The following L3MBTL3 variants were observed in gnomAD, a reference collection of about 807,000 sequenced individuals.
L3MBTL3 encodes the protein lethal(3)malignant brain tumor-like protein 3.
Under a neutral mutation model 102.3 loss-of-function variants are expected in L3MBTL3, and 27 were observed. The ratio of observed to expected loss-of-function variants is 0.26; its 90% CI spans 0.19 to 0.36. The LOEUF is 0.36. L3MBTL3 is among the 10% of genes least tolerant of loss of function. L3MBTL3 has a pLI of 1.00. For missense variants in L3MBTL3, 798 were observed against 955.3 expected (o/e 0.84, Z 2.17); for synonymous variants, 340 against 320.9 (o/e 1.06, Z -0.64).
intron 20 of L3MBTL3, among the ~76,000 whole-genome samples, chr6:130,124,895 G>C (rs1462413377): frequency 6.6e-6 from 1 of 152,036 alleles, no homozygotes; most frequent in Non-Finnish European, 1.5e-5. Context: ...ACTTGAACCT[G>C]GGAGGTGGAG....
chr6:130,102,888 A>T (rs1366758024), intron 18 of L3MBTL3, among the ~76,000 whole-genome samples: 1 of 152,108 alleles, frequency 6.6e-6, no homozygotes, highest in Non-Finnish European at 1.5e-5. Flanking sequence ...TATCTAATTT[A>T]TGTGTATAAT....
At chr6:130,062,042 T>G (rs1781931594) in intron 10 of L3MBTL3, among the ~76,000 whole-genome samples, 2 of 152,208 alleles carry the variant, frequency 1.3e-5, no homozygotes, top group Non-Finnish European at 2.9e-5. Flanking sequence ...AAGCCGTAAG[T>G]ATAGACTGCT....
At chr6:130,077,729 G>A (rs889067559) in intron 13 of L3MBTL3, among the ~76,000 whole-genome samples, 17 of 152,160 alleles carry the variant, frequency 1.1e-4, no homozygotes, top group Non-Finnish European at 1.8e-4. Context: ...CTGGCTCTCT[G>A]CCTTCTAGTT....
In L3MBTL3 at chr6:130,057,600, T is replaced by C. The variant is rs1269352062; in HGVS notation, c.759+103T>C. On this transcript the variant is annotated intron_variant, in intron 9 of 22. Transcript: ENST00000361794. ...ACTGAAATTTGACTTGGGATCATTT[T>C]CTCAGCATACAGTTTTCATGCGTGT... 5.3e-6 allele frequency: 5 copies of C among 952,250 alleles called. No homozygotes were observed. The Admixed American group carries it at 1.2e-4, about 24-fold the overall frequency. 59.0% of individuals were successfully genotyped at this position (952,250 alleles called of 1,614,324 possible). A position where few individuals can be genotyped will look rare whatever the true frequency, so the allele number is the denominator to read the frequency against.
At chr6:130,054,665 A>G (rs6900473) in intron 7 of L3MBTL3, among the ~76,000 whole-genome samples, 86,266 of 152,074 alleles carry the variant, frequency 0.57, 27,378 homozygotes, top group East Asian at 0.76. Context: ...ATGGGTTTGA[A>G]ATGCTGATTA....
intron 19 of L3MBTL3, among the ~76,000 whole-genome samples, chr6:130,118,764 T>C (rs1056570363): frequency 6.6e-6 from 1 of 152,208 alleles, no homozygotes; most frequent in Non-Finnish European, 1.5e-5. Context: ...CATGCTTCTA[T>C]AATGAAGCAA....
In L3MBTL3 at chr6:130,042,677, C is replaced by T; in HGVS notation, c.-15-8C>T. The stretch of plus-strand genomic sequence containing the variant: ...TATTTAGTGATATGCCTTCTTTTCC[C>T]CTTTCAGGTTAAAAAATAAATCATG... On this transcript the variant is annotated splice_region_variant and splice_polypyrimidine_tract_variant and intron_variant, in intron 2 of 22. Coordinates refer to ENST00000361794, the MANE Select transcript of L3MBTL3 (RefSeq NM_032438.4). The T allele has an allele frequency of 6.6e-7, 1 of 1,515,826 alleles. No homozygotes were observed. 93.9% of individuals were successfully genotyped at this position (1,515,826 alleles called of 1,614,324 possible).
intron 10 of L3MBTL3, among the ~76,000 whole-genome samples, chr6:130,062,579 GA>G (rs1781966728): frequency 1.0e-5 from 1 of 100,286 alleles, no homozygotes; most frequent in Non-Finnish European, 2.1e-5. Context: ...TTTTTTTTTA[GA>G]AATGGGGTCC....
chr6:130,034,717 G>A (rs1392660362), intron 2 of L3MBTL3, among the ~76,000 whole-genome samples: 2 of 152,142 alleles, frequency 1.3e-5, no homozygotes, highest in African/African-American at 4.8e-5. Flanking sequence ...GAGACTAAGC[G>A]CTATGACTAA....
intron 16 of L3MBTL3, among the ~76,000 whole-genome samples, chr6:130,088,354 A>G (rs1323735665): frequency 1.3e-5 from 2 of 152,182 alleles, no homozygotes; most frequent in South Asian, 2.1e-4. Flanking sequence ...AAAGCCTGCA[A>G]CAGTAGGAGT....
chr6:130,032,312 G>A (rs577322376), intron 2 of L3MBTL3, among the ~76,000 whole-genome samples: 89 of 152,304 alleles, frequency 5.8e-4, no homozygotes, highest in Admixed American at 1.2e-3. Flanking sequence ...AGTAGCGTCT[G>A]CTGTTGTGTG....
intron 10 of L3MBTL3, among the ~76,000 whole-genome samples, chr6:130,062,576 T>G (rs972828760): frequency 4.1e-4 from 62 of 150,342 alleles, no homozygotes; most frequent in Middle Eastern, 6.8e-3. Context: ...TTTTTTTTTT[T>G]TAGAAATGGG....
chr6:130,045,293 C>T (rs1584311880), intron 3 of L3MBTL3, among the ~76,000 whole-genome samples: 1 of 152,090 alleles, frequency 6.6e-6, no homozygotes, highest in South Asian at 2.1e-4. Flanking sequence ...CTAGTTGAAG[C>T]CTTCACACGC....
Position 130,042,872 on chromosome 6 carries a change from A to G in L3MBTL3, c.102+71A>G, listed in dbSNP as rs1780511077. 6.1e-6 allele frequency: 6 copies of G among 983,460 alleles called. No homozygotes were observed. The South Asian group carries it at 6.7e-5, about 11-fold the overall frequency. The allele number at this position is 983,460 out of a possible 1,614,324, so 60.9% of individuals were successfully genotyped here. A position where few individuals can be genotyped will look rare whatever the true frequency, so the allele number is the denominator to read the frequency against. On this transcript the variant is annotated intron_variant, in intron 3 of 22. Coordinates refer to ENST00000361794, the MANE Select transcript of L3MBTL3 (RefSeq NM_032438.4). The stretch of plus-strand genomic sequence containing the variant: ...CGTATGCTTACTTAAAATTGGATAC[A>G]TATGTGAAATAAAAATTAAAAGCAT...
At position 130,068,478 on chromosome 6, in the gene L3MBTL3, T is replaced by A. The variant is rs1012239704; in HGVS notation, c.1092+57T>A. The A allele has an allele frequency of 7.8e-5, 67 of 854,102 alleles. No individual in the cohort carries two copies. The Admixed American group carries it at 1.2e-3, about 15-fold the overall frequency. 52.9% of individuals were successfully genotyped at this position (854,102 alleles called of 1,614,324 possible). A position where few individuals can be genotyped will look rare whatever the true frequency, so the allele number is the denominator to read the frequency against. ...AGGAAGAAGTTTTTTGAGTGTCTCA[T>A]AGGATCAATTACAAGTGATAACAAG... On this transcript the variant is annotated intron_variant, in intron 12 of 22. Coordinates refer to ENST00000361794, the MANE Select transcript of L3MBTL3 (RefSeq NM_032438.4).
Position 130,133,319 on chromosome 6 carries a change from A to G in L3MBTL3, c.1967-133A>G. ...AGTAAAGACAAAGAAGAGCCTATTC[A>G]ATAGTATAATGCTGAAAGGAACCAA... On this transcript the variant is annotated intron_variant, in intron 20 of 22. Coordinates refer to ENST00000361794, the MANE Select transcript of L3MBTL3 (RefSeq NM_032438.4). The surrounding 1 kb of genome is among the most constrained non-coding windows in gnomAD (Gnocchi z 4.9). 1.3e-6 allele frequency: 1 copy of G among 757,156 alleles called. No individual in the cohort carries two copies. Among genetic ancestry groups the G allele is most frequent in the East Asian group, 2.6e-5 (1 of 38,318 alleles). 46.9% of individuals were successfully genotyped at this position (757,156 alleles called of 1,614,324 possible).
At chr6:130,058,765 A>G (rs1463125360) in intron 9 of L3MBTL3, among the ~76,000 whole-genome samples, 5 of 152,236 alleles carry the variant, frequency 3.3e-5, no homozygotes, top group African/African-American at 4.8e-5. Context: ...GCTATGTTCC[A>G]GTAAGATTGT....
intron 15 of L3MBTL3, among the ~76,000 whole-genome samples, chr6:130,084,533 A>AT (rs1783557951): frequency 6.6e-6 from 1 of 152,196 alleles, no homozygotes; most frequent in African/African-American, 2.4e-5. Flanking sequence ...AAGAGAAACT[A>AT]TATCAAAAAA....
At chr6:130,076,393 C>A (rs1782950053) in intron 13 of L3MBTL3, among the ~76,000 whole-genome samples, 1 of 152,130 alleles carries the variant, frequency 6.6e-6, no homozygotes, top group Admixed American at 6.6e-5. Context: ...AATCACTTAA[C>A]CTCTTTGATT....
Sources: gnomAD v4.1 joint callset for allele counts (sites outside exome capture counted in the v4.1 genomes callset) on GRCh38, gnomAD v4.1.1 for gene constraint, Gnocchi (gnomAD v3.1) non-coding constraint, MANE v1.5 for transcripts, NCBI Gene and HGNC (gene_info 2026-07-23, HGNC 2026-07-21) for gene names.